FGF14: variants seen among roughly 807,000 people sequenced by gnomAD.
FGF14 encodes the protein fibroblast growth factor 14, also known as fibroblast growth factor homologous factor 4.
A neutral mutation model predicts 25.5 loss-of-function variants in FGF14; 5 were observed. That is an observed-to-expected ratio of 0.20 (90% CI 0.10 to 0.41). FGF14 has a LOEUF of 0.41. FGF14 is among the 10% of genes least tolerant of loss of function. FGF14 has a pLI of 1.00. For missense variants in FGF14, 222 were observed against 320.1 expected (o/e 0.69, Z 2.34); for synonymous variants, 138 against 118.3 (o/e 1.17, Z -1.08).
chr13:101,955,038 T>G (rs1172894749), intron 1 of FGF14, among the ~76,000 whole-genome samples: 1 of 152,176 alleles, frequency 6.6e-6, no homozygotes, highest in Non-Finnish European at 1.5e-5. Context: ...TGTTAGGTTG[T>G]TTTTGGTTCT....
intron 1 of FGF14, among the ~76,000 whole-genome samples, chr13:101,986,942 A>G (rs2038618389): frequency 7.3e-6 from 1 of 137,834 alleles, no homozygotes; most frequent in Non-Finnish European, 1.5e-5. Flanking sequence ...GTGCATGCAC[A>G]CACACACACA....
chr13:102,126,271 C>T (rs1406726933), intron 1 of FGF14, among the ~76,000 whole-genome samples: 2 of 152,180 alleles, frequency 1.3e-5, no homozygotes, highest in Non-Finnish European at 2.9e-5. Flanking sequence ...CTTTAGGTCT[C>T]TATGAATTTC....
intron 1 of FGF14, among the ~76,000 whole-genome samples, chr13:102,123,050 AG>A (rs2045800078): frequency 6.6e-6 from 1 of 152,216 alleles, no homozygotes; most frequent in African/African-American, 2.4e-5. Flanking sequence ...TAAGATGGGC[AG>A]CATTACAAAG....
chr13:101,846,067 A>G (rs2043443299), intron 3 of FGF14, among the ~76,000 whole-genome samples: 1 of 151,994 alleles, frequency 6.6e-6, no homozygotes, highest in African/African-American at 2.4e-5. Flanking sequence ...AAATGTATAC[A>G]ATTTATTAAT....
intron 1 of FGF14, among the ~76,000 whole-genome samples, chr13:102,296,465 T>C (rs933247645): frequency 6.6e-6 from 1 of 152,192 alleles, no homozygotes; most frequent in Non-Finnish European, 1.5e-5. Context: ...TTCATTGGCC[T>C]TGATAATCCC....
At chr13:102,231,960 T>C (rs531651570) in intron 1 of FGF14, among the ~76,000 whole-genome samples, 11 of 152,216 alleles carry the variant, frequency 7.2e-5, no homozygotes, top group Non-Finnish European at 1.6e-4. Context: ...CTGTTGCTGA[T>C]TGTGATAGAG....
intron 3 of FGF14, among the ~76,000 whole-genome samples, chr13:101,866,491 G>A (rs886469351): frequency 3.9e-5 from 6 of 152,046 alleles, no homozygotes; most frequent in Non-Finnish European, 7.4e-5. Context: ...CTTATAAAAG[G>A]TTATTGGGAT....
intron 1 of FGF14, among the ~76,000 whole-genome samples, chr13:102,138,914 G>T (rs1393402095): frequency 2.6e-5 from 4 of 152,114 alleles, no homozygotes; most frequent in Non-Finnish European, 4.4e-5. Flanking sequence ...AATTGCTTTG[G>T]GATCTATGAT....
At chr13:101,762,588 T>C (rs560859853) in intron 3 of FGF14, among the ~76,000 whole-genome samples, 1 of 152,348 alleles carries the variant, frequency 6.6e-6, no homozygotes, top group African/African-American at 2.4e-5. Context: ...AGTGATTATG[T>C]AACGTGGGTC....
At chr13:102,101,790 CA>C (rs1200196260) in intron 1 of FGF14, among the ~76,000 whole-genome samples, 1 of 152,036 alleles carries the variant, frequency 6.6e-6, no homozygotes, top group African/African-American at 2.4e-5. Flanking sequence ...CTGCAACATC[CA>C]CCTCCCAGGT....
chr13:101,900,093 A>T (rs1252870781), intron 1 of FGF14, among the ~76,000 whole-genome samples: 1 of 152,166 alleles, frequency 6.6e-6, no homozygotes, highest in African/African-American at 2.4e-5. Context: ...GCACTTCTAA[A>T]TAATCCTAAG....
intron 1 of FGF14, among the ~76,000 whole-genome samples, chr13:102,036,184 A>G (rs2041464192): frequency 6.6e-6 from 1 of 152,162 alleles, no homozygotes; most frequent in Non-Finnish European, 1.5e-5. Context: ...ACTGGGCTAA[A>G]GCACAGTGTC....
chr13:102,401,932 G>A (rs749536035), upstream of FGF14, among the ~76,000 whole-genome samples: 1 of 151,622 alleles, frequency 6.6e-6, no homozygotes, highest in Non-Finnish European at 1.5e-5. Context: ...GATCCCCAAA[G>A]AGAAAACCAT....
chr13:102,045,872 T>C (rs2041959393), intron 1 of FGF14: 1 of 153,018 alleles, frequency 6.5e-6, no homozygotes, highest in South Asian at 2.1e-4. Flanking sequence ...ATGTCATTCA[T>C]GCAGAAGGGC....
chr13:102,019,616 C>A (rs2040528070), intron 1 of FGF14, among the ~76,000 whole-genome samples: 1 of 152,180 alleles, frequency 6.6e-6, no homozygotes, highest in South Asian at 2.1e-4. Flanking sequence ...AAAGGTCACA[C>A]TTTTTCTACT....
chr13:102,021,935 G>A (rs1434447272), intron 1 of FGF14, among the ~76,000 whole-genome samples: 1 of 152,010 alleles, frequency 6.6e-6, no homozygotes. Context: ...TAGAACATGA[G>A]TGATGATTAA....
intron 3 of FGF14, chr13:101,801,920 G>A: frequency 6.9e-6 from 3 of 436,498 alleles, no homozygotes; most frequent in South Asian, 3.6e-5. Context: ...TAAGATGTCT[G>A]CTTGTGCTCT....
At chr13:102,177,286 C>T (rs1050084463) in intron 1 of FGF14, among the ~76,000 whole-genome samples, 5 of 152,172 alleles carry the variant, frequency 3.3e-5, no homozygotes, top group African/African-American at 1.2e-4. Flanking sequence ...GAGTTTGAGT[C>T]TGGGTAAGCC....
intron 1 of FGF14, among the ~76,000 whole-genome samples, chr13:102,091,135 G>A (rs577677208): frequency 1.3e-5 from 2 of 152,254 alleles, no homozygotes; most frequent in South Asian, 4.1e-4. Context: ...AAATGCTTAG[G>A]TACAATTATA....
Sources: allele counts gnomAD v4.1 joint callset (sites outside exome capture counted in the v4.1 genomes callset), GRCh38; gene constraint gnomAD v4.1.1; transcripts MANE v1.5; gene names NCBI Gene and HGNC (gene_info 2026-07-23, HGNC 2026-07-21).